The following PNPLA5 variants were observed in gnomAD, a reference collection of about 807,000 sequenced individuals.
PNPLA5 encodes patatin like domain 5, triacylglycerol lipase, also known as patatin-like phospholipase domain-containing protein 5.
In PNPLA5, 44 loss-of-function variants were observed where a neutral mutation model predicts 49.1. The ratio of observed to expected loss-of-function variants is 0.90; its 90% CI spans 0.70 to 1.15. The LOEUF is 1.15. PNPLA5 is among the 50% of genes most tolerant of loss of function. PNPLA5 has a pLI of 0.00. For synonymous variants in PNPLA5, 243 were observed against 244.4 expected (o/e 0.99, Z 0.06); for missense variants, 603 against 564.0 (o/e 1.07, Z -0.70).
rs2148331805 is a variant in PNPLA5, at chr22:43,891,804, CCCACGTGGTGGGCGCCCA to C, written c.59_76del (p.Leu20_Gly26delinsArg). On this transcript the variant is annotated inframe_deletion, in exon 1 of 9. Transcript: ENST00000216177. ...TCGCTGGCGCAGGCATTCGGTGGCG[CCCACGTGGTGGGCGCCCA>C]GGTAGCCGGCGCCGGAGAAGGACAG... 2.6e-6 allele frequency: 4 copies of C among 1,523,198 alleles called. No homozygotes were observed. In the East Asian group the frequency reaches 1.0e-4, roughly 38 times the overall value. The allele number at this position is 1,523,198 out of a possible 1,614,324, so 94.4% of individuals were successfully genotyped here. A position where few individuals can be genotyped will look rare whatever the true frequency, so the allele number is the denominator to read the frequency against.
At chr22:43,884,100 T>TAC in intron 7 of PNPLA5, 113 bp downstream of exon 7, 8 of 867,250 alleles carry the variant, frequency 9.2e-6, no homozygotes, top group Non-Finnish European at 1.2e-5. Flanking sequence ...CCAGCCGGGC[T>TAC]CCCCCCACCC....
chr22:43,890,176 G>T lies in PNPLA5; in HGVS notation c.427-312C>A, dbSNP rs111355034. 3.2e-4 allele frequency: 198 copies of T among 614,474 alleles called. No homozygotes were observed. In the Middle Eastern group the frequency reaches 0.011, roughly 35 times the overall value. The allele number at this position is 614,474 out of a possible 1,614,324, so 38.1% of individuals were successfully genotyped here. On this transcript the variant is annotated intron_variant, in intron 2 of 8. Transcript: ENST00000216177. ...TCCTTGCCTGTGTAGCAGTTGGGAT[G>T]GGGCCTGGCACATAGTAGGTGCTCA...
At chr22:43,883,736 G>C (rs962896751) in intron 7 of PNPLA5, among the ~76,000 whole-genome samples, 1 of 151,976 alleles carries the variant, frequency 6.6e-6, no homozygotes, top group Admixed American at 6.5e-5. Context: ...GCTTGAACCT[G>C]GGAGGCAGAG....
intron 7 of PNPLA5, 60 bp downstream of exon 7, chr22:43,884,153 C>T: frequency 6.2e-6 from 9 of 1,445,858 alleles, no homozygotes; most frequent in Non-Finnish European, 8.3e-6. Context: ...CCCCTCCTGC[C>T]ATGGGCACCA....
Position 43,880,375 on chromosome 22 carries a change from G to A in PNPLA5, c.*420C>T, listed in dbSNP as rs529015023. The A allele has an allele frequency of 7.5e-6, 3 of 398,726 alleles. No homozygotes were observed. The highest frequency in any genetic ancestry group is 1.3e-4 in the South Asian group (1 of 7,856). 24.7% of individuals were successfully genotyped at this position (398,726 alleles called of 1,614,324 possible). On this transcript the variant is annotated 3_prime_UTR_variant, in exon 9 of 9. Transcript: ENST00000216177. ...GCAGGACTGAGAAAGTCTGGGGGGA[G>A]CACCCCCACCCCATCATCTCAGTTG... is the stretch of plus-strand genomic sequence containing the variant.
chr22:43,887,918 GC>G (rs1443370015), intron 4 of PNPLA5, among the ~76,000 whole-genome samples: 15 of 152,208 alleles, frequency 9.9e-5, no homozygotes, highest in Non-Finnish European at 2.1e-4. Context: ...AGACACCCTG[GC>G]TGCTCTTGCC....
At chr22:43,890,946 C>T in intron 2 of PNPLA5, 116 bp downstream of exon 2, 3 of 1,349,916 alleles carry the variant, frequency 2.2e-6, no homozygotes, top group Non-Finnish European at 3.0e-6. Flanking sequence ...ACAGGTCCAC[C>T]CGCCCTCCCT....
chr22:43,891,892 C>A lies in PNPLA5; in HGVS notation c.-12G>T, dbSNP rs1344323457. ...TCTAAGAAGCCCATGGCGGGTGGAC[C>A]GGGCGGGGTGATCGGGACGAGGAAG... On this transcript the variant is annotated 5_prime_UTR_variant, in exon 1 of 9. Transcript: ENST00000216177. The A allele has an allele frequency of 1.3e-6, 2 of 1,506,212 alleles. No individual in the cohort carries two copies. The highest frequency in any genetic ancestry group is 2.5e-5 in the East Asian group (1 of 39,248). The allele number at this position is 1,506,212 out of a possible 1,614,324, so 93.3% of individuals were successfully genotyped here. A position where few individuals can be genotyped will look rare whatever the true frequency, so the allele number is the denominator to read the frequency against.
At chr22:43,884,536 G>A (rs1305723094) in intron 6 of PNPLA5, 191 bp from the exon 7 acceptor site, 2 of 387,218 alleles carry the variant, frequency 5.2e-6, no homozygotes, top group African/African-American at 4.4e-5. Context: ...GACAAGGGGT[G>A]TATGCCCTCT....
chr22:43,888,815 T>G (rs2049693051), intron 4 of PNPLA5, among the ~76,000 whole-genome samples: 1 of 152,222 alleles, frequency 6.6e-6, no homozygotes, highest in Non-Finnish European at 1.5e-5. Context: ...CCTTCATTTT[T>G]TTCTTTGCAT....
Position 43,891,699 on chromosome 22 carries a change from C to T in PNPLA5, c.182G>A (p.Gly61Asp). The T allele has an allele frequency of 1.3e-6, 2 of 1,547,038 alleles. No homozygotes were observed. Among genetic ancestry groups the T allele is most frequent in the African/African-American group, 1.4e-5 (1 of 72,652 alleles). Residue 61 changes from glycine (G) to aspartate (D), a missense_variant, in exon 1 of 9, where the codon GGC becomes GAC. Transcript: ENST00000216177. ...GGTCCGGGACTCACCGACCGACTTG[C>T]CGCAGACGATGCTGACTGCGTTGAG... ...GALNAVSIVC[G>D]KSVDFCCSHL...
chr22:43,881,658 G>T lies in PNPLA5; in HGVS notation c.1099C>A (p.Pro367Thr). ...FRSRRLVVWL[P>T]DVPADLWWMQ... ...CACCACAAGTCCGCCGGCACATCGG[G>T]CAGCCACACCACCAACCTGGAGGAA... The change falls in exon 8 of 9, where the codon CCC becomes ACC. Residue 367 changes from proline (P) to threonine (T), a missense_variant. Pro to Thr is a conservative substitution (Grantham distance 38, BLOSUM62 -1). Coordinates refer to ENST00000216177, the MANE Select transcript of PNPLA5 (RefSeq NM_138814.4). The T allele has an allele frequency of 6.2e-7, 1 of 1,613,340 alleles. No homozygotes were observed. Among genetic ancestry groups the T allele is most frequent in the Middle Eastern group, 1.7e-4 (1 of 6,052 alleles).
At chr22:43,886,759 G>A (rs1242960681) in intron 5 of PNPLA5, among the ~76,000 whole-genome samples, 2 of 152,138 alleles carry the variant, frequency 1.3e-5, no homozygotes, top group African/African-American at 2.4e-5. Context: ...CAAGCTATGT[G>A]ACCCAATGCC....
rs1007703966 is a variant in PNPLA5 at position 43,886,324 on chromosome 22, G to A, written c.928C>T (p.Leu310Phe). The change falls in exon 6 of 9, where the codon CTC (leucine) becomes TTC (phenylalanine). Residue 310 changes from leucine (L) to phenylalanine (F), a missense_variant. By Grantham distance (22) the Leu-to-Phe change is conservative. Transcript: ENST00000216177. ...CTACCAGCCTCCAGCTCTGGTGAGA[G>A]CTGCTCAAAGTTGGGTACATCCTTG... is the stretch of plus-strand genomic sequence containing the variant. ...QVKDVPNFEQ[L>F]SPELEAALKK... The A allele has an allele frequency of 1.9e-6, 3 of 1,613,878 alleles. No homozygotes were observed. Among genetic ancestry groups the A allele is most frequent in the Non-Finnish European group, 2.5e-6 (3 of 1,179,882 alleles).
In PNPLA5 at chr22:43,880,440, A is replaced by T; in HGVS notation, c.*355T>A. On this transcript the variant is annotated 3_prime_UTR_variant, in exon 9 of 9. Coordinates refer to ENST00000216177, the MANE Select transcript of PNPLA5 (RefSeq NM_138814.4). ...TGACGCGGGCATCAGGCACTTTCTCAATCTTCTGTGAGGTGCTCCGTGGGC... is the reference window on the plus strand; with the variant it reads ...TGACGCGGGCATCAGGCACTTTCTCTATCTTCTGTGAGGTGCTCCGTGGGC... The T allele has an allele frequency of 2.5e-6, 1 of 398,640 alleles. No homozygotes were observed. The highest frequency in any genetic ancestry group is 4.4e-6 in the Non-Finnish European group (1 of 226,136). 24.7% of individuals were successfully genotyped at this position (398,640 alleles called of 1,614,324 possible). A position where few individuals can be genotyped will look rare whatever the true frequency, so the allele number is the denominator to read the frequency against.
At chr22:43,886,835 G>T (rs1042480599) in intron 5 of PNPLA5, among the ~76,000 whole-genome samples, 2 of 152,318 alleles carry the variant, frequency 1.3e-5, no homozygotes. Context: ...GTTACTCTGA[G>T]AATTAAACAA....
At position 43,889,874 on chromosome 22, in the gene PNPLA5, G is replaced by C. The variant is rs750768507; in HGVS notation, c.427-10C>G. 3.7e-6 allele frequency: 6 copies of C among 1,613,454 alleles called. No homozygotes were observed. In the South Asian group the frequency reaches 6.6e-5, roughly 18 times the overall value. On this transcript the variant is annotated splice_polypyrimidine_tract_variant and intron_variant, in intron 2 of 8. Transcript: ENST00000216177. The stretch of plus-strand genomic sequence containing the variant: ...AGGTGCAGACCAAGGCCTAGGAAGA[G>C]AAGAGTCAGCAGGAACACAACTGTG...
At chr22:43,891,555 C>T in intron 1 of PNPLA5, 133 bp downstream of exon 1, 1 of 1,315,062 alleles carries the variant, frequency 7.6e-7, no homozygotes, top group Non-Finnish European at 1.0e-6. Context: ...ACTCGGTGTT[C>T]TCATGGGATT....
rs536731554 is a variant in PNPLA5, at chr22:43,880,229, C to T, written c.*566G>A. On this transcript the variant is annotated 3_prime_UTR_variant, in exon 9 of 9. Coordinates refer to ENST00000216177, the MANE Select transcript of PNPLA5 (RefSeq NM_138814.4). ...AGCTGGGATCCTGAAAAGACCTGGA[C>T]CCCCCTCTCCTCCTCCTCCTGCTTC... The T allele has an allele frequency of 5.1e-6, 2 of 393,964 alleles. No individual in the cohort carries two copies. Among genetic ancestry groups the T allele is most frequent in the South Asian group, 1.4e-4 (1 of 6,978 alleles). 24.4% of individuals were successfully genotyped at this position (393,964 alleles called of 1,614,324 possible). A position where few individuals can be genotyped will look rare whatever the true frequency, so the allele number is the denominator to read the frequency against.
Sources: gnomAD v4.1 joint callset for allele counts (sites outside exome capture counted in the v4.1 genomes callset) on GRCh38, gnomAD v4.1.1 for gene constraint, MANE v1.5 for transcripts, NCBI Gene and HGNC (gene_info 2026-07-23, HGNC 2026-07-21) for gene names.